The following JAKMIP1 variants were observed in gnomAD, a reference collection of about 807,000 sequenced individuals.
The protein encoded by JAKMIP1 is janus kinase and microtubule-interacting protein 1.
In JAKMIP1, 33 loss-of-function variants were observed where a neutral mutation model predicts 113.0. The observed-to-expected ratio is 0.29, with a 90% CI of 0.22 to 0.39. The LOEUF (loss-of-function observed/expected upper bound fraction) is 0.39, where lower values mean the gene tolerates loss of function less well. Ranked by LOEUF, JAKMIP1 falls within the 10% of genes least tolerant of loss-of-function variation. JAKMIP1 has a pLI of 1.00. For missense variants in JAKMIP1, 813 were observed against 1,080.5 expected, an observed-to-expected ratio of 0.75 and a Z score of 3.47; for synonymous variants, 480 against 459.9, an observed-to-expected ratio of 1.04 and a Z score of -0.56.
At chr4:6,123,240 C>T (rs1053776013) in intron 1 of JAKMIP1, among the ~76,000 whole-genome samples, 2 of 152,224 alleles carry the variant, frequency 1.3e-5, no homozygotes, top group African/African-American at 4.8e-5. Context: ...GCCCAAACCC[C>T]TCACCCAGAG....
rs756000351 is a variant in JAKMIP1 at position 6,040,735 on chromosome 4, C to A, written c.2098-19G>T. Reference sequence around the variant, plus strand: ...ACAGGTCCTGAGAAAGAGGGAGGCGCCATCAGGGACCAGCGTCAGAACAGG... The same window carrying A: ...ACAGGTCCTGAGAAAGAGGGAGGCGACATCAGGGACCAGCGTCAGAACAGG... On this transcript the variant is annotated intron_variant, in intron 17 of 20. Transcript: ENST00000409021. The surrounding 1 kb of genome is among the most constrained non-coding windows in gnomAD (Gnocchi z 5.8). 28 of 1,597,048 alleles carry A rather than the reference C, an allele frequency of 1.8e-5. No homozygotes were observed. Among genetic ancestry groups the A allele is most frequent in the Non-Finnish European group, 2.4e-5 (28 of 1,165,516 alleles).
chr4:6,060,732 A>T (rs967419397), intron 10 of JAKMIP1, among the ~76,000 whole-genome samples: 2 of 152,208 alleles, frequency 1.3e-5, no homozygotes, highest in African/African-American at 4.8e-5. Flanking sequence ...GGTTTTACAA[A>T]CCAAAACTTG....
chr4:6,050,489 C>G lies in JAKMIP1; in HGVS notation c.1908+89G>C. The stretch of plus-strand genomic sequence containing the variant: ...AAGGGGTATCTCATGAAAATCAATT[C>G]TATCCCAGCACTCCCCCTTTGCAGC... On this transcript the variant is annotated intron_variant, in intron 14 of 20. Transcript: ENST00000409021. The surrounding 1 kb of genome is among the most constrained non-coding windows in gnomAD (Gnocchi z 7.4). The G allele has an allele frequency of 2.3e-6, 2 of 875,810 alleles. No homozygotes were observed. The highest frequency in any genetic ancestry group is 3.6e-6 in the Non-Finnish European group (2 of 556,556). 54.3% of individuals were successfully genotyped at this position (875,810 alleles called of 1,614,324 possible).
rs1719229986 is a variant in JAKMIP1, at chr4:6,136,305, G to A, written c.-147-23308C>T. On this transcript the variant is annotated intron_variant, in intron 1 of 20. Transcript: ENST00000409021. The surrounding 1 kb of genome is among the most constrained non-coding windows in gnomAD (Gnocchi z 5.9). ...GCTTGACGTCTAAATGCAGGCATCT[G>A]TGAATCCATATTTCAGTCTGCTTGA... Among the ~76,000 whole-genome samples, 1 of 152,090 alleles carries A rather than the reference G, an allele frequency of 6.6e-6. No homozygotes were observed. The highest frequency in any genetic ancestry group is 1.5e-5 in the Non-Finnish European group (1 of 68,028).
chr4:6,036,906 G>C (rs538907952), intron 18 of JAKMIP1, among the ~76,000 whole-genome samples: 4 of 152,310 alleles, frequency 2.6e-5, no homozygotes, highest in Non-Finnish European at 4.4e-5. Flanking sequence ...CTGAGGCAGA[G>C]GTTAACCATT....
rs1726328809 is a variant in JAKMIP1, at chr4:6,183,757, A to T, written c.-148+16496T>A. Among the ~76,000 whole-genome samples the T allele has an allele frequency of 6.6e-6, 1 of 152,162 alleles. No individual in the cohort carries two copies. The highest frequency in any genetic ancestry group is 1.5e-5 in the Non-Finnish European group (1 of 68,038). ...AACCCTGGTAGACCCCACTGCAGGG[A>T]CCTGGGCTGCCAGGTGAACACTCAG... On this transcript the variant is annotated intron_variant, in intron 1 of 20. Transcript: ENST00000409021. This position sits in a 1 kb window ranked among gnomAD's most constrained non-coding sequence, Gnocchi z 5.3.
intron 1 of JAKMIP1, among the ~76,000 whole-genome samples, chr4:6,133,619 G>A (rs1402741605): frequency 6.6e-6 from 1 of 152,180 alleles, no homozygotes; most frequent in African/African-American, 2.4e-5. Context: ...CATGGAGGGA[G>A]AATCATTGTT....
In JAKMIP1 at chr4:6,192,929, G is replaced by A. The variant is rs1727429256; in HGVS notation, c.-148+7324C>T. 6.6e-6 allele frequency among the ~76,000 whole-genome samples: 1 copy of A among 152,168 alleles called. No homozygotes were observed. Among genetic ancestry groups the A allele is most frequent in the Non-Finnish European group, 1.5e-5 (1 of 68,026 alleles). On this transcript the variant is annotated intron_variant, in intron 1 of 20. Coordinates refer to ENST00000409021, the MANE Select transcript of JAKMIP1 (RefSeq NM_001099433.2). This position sits in a 1 kb window ranked among gnomAD's most constrained non-coding sequence, Gnocchi z 5.0. Reference sequence around the variant, plus strand: ...ATTGAGTGTCAACTTGATTGGTGAAGGATGCAAAGTATTGTTCCTGGGTGT... The same window carrying A: ...ATTGAGTGTCAACTTGATTGGTGAAAGATGCAAAGTATTGTTCCTGGGTGT...
chr4:6,073,024 A>C (rs1719195442), intron 8 of JAKMIP1, among the ~76,000 whole-genome samples: 1 of 149,750 alleles, frequency 6.7e-6, no homozygotes. Flanking sequence ...CCGTGAGCTG[A>C]GCTCCATCAC....
Position 6,084,967 on chromosome 4 carries a change from TAAAAAAAAAAAAAA to T in JAKMIP1, c.835-16_835-3del. Reference sequence around the variant, plus strand: ...ATCTCGCTCGTCCATATGTTGATCCTAAAAAAAAAAAAAAAAAAAAAAAAAAAGTCAAGACGTAA... The same window carrying T: ...ATCTCGCTCGTCCATATGTTGATCCTAAAAAAAAAAAAAGTCAAGACGTAA... On this transcript the variant is annotated splice_region_variant and splice_polypyrimidine_tract_variant and intron_variant, in intron 4 of 20. Transcript: ENST00000409021. 2.6e-6 allele frequency: 1 copy of T among 377,764 alleles called. No individual in the cohort carries two copies. 23.4% of individuals were successfully genotyped at this position (377,764 alleles called of 1,614,324 possible).
At chr4:6,045,901 T>C (rs187957646) in intron 16 of JAKMIP1, among the ~76,000 whole-genome samples, 89 of 152,200 alleles carry the variant, frequency 5.8e-4, no homozygotes, top group African/African-American at 1.3e-3. Flanking sequence ...TAAGGGAACA[T>C]TGACATTGAC....
rs751515267 is a variant in JAKMIP1 at position 6,056,802 on chromosome 4, C to G, written c.1645-43G>C. 3.0e-6 allele frequency: 4 copies of G among 1,355,764 alleles called. No individual in the cohort carries two copies. In the East Asian group the frequency reaches 9.2e-5, roughly 31 times the overall value. 84.0% of individuals were successfully genotyped at this position (1,355,764 alleles called of 1,614,324 possible). On this transcript the variant is annotated intron_variant, in intron 11 of 20. Transcript: ENST00000409021. The stretch of plus-strand genomic sequence containing the variant: ...ATATGGTCACATTCATGGAAGCAAA[C>G]AGATGGTCAAGTAACAAACTTTTAG...
intron 1 of JAKMIP1, among the ~76,000 whole-genome samples, chr4:6,160,710 G>T (rs1455859873): frequency 1.3e-5 from 2 of 152,008 alleles, no homozygotes; most frequent in African/African-American, 4.8e-5. Flanking sequence ...ACGCCTCCCT[G>T]CCCCTCTACA....
intron 3 of JAKMIP1, among the ~76,000 whole-genome samples, chr4:6,095,913 A>G (rs1372941605): frequency 1.3e-5 from 2 of 152,172 alleles, no homozygotes; most frequent in African/African-American, 4.8e-5. Flanking sequence ...AATCAAAGAG[A>G]GAGAGAGAAA....
At chr4:6,105,177 T>C (rs1713693307) in intron 3 of JAKMIP1, among the ~76,000 whole-genome samples, 2 of 152,208 alleles carry the variant, frequency 1.3e-5, no homozygotes, top group South Asian at 2.1e-4. Flanking sequence ...CTCATGGTTG[T>C]TGAAGTAAAT....
intron 20 of JAKMIP1, among the ~76,000 whole-genome samples, chr4:6,027,071 G>A (rs576470989): frequency 0.021 from 3,058 of 148,950 alleles, 41 homozygotes; most frequent in Non-Finnish European, 0.033. Flanking sequence ...TACTTATACA[G>A]AGAAAAAAAA....
At chr4:6,171,240 TACC>T (rs1724658924) in intron 1 of JAKMIP1, among the ~76,000 whole-genome samples, 1 of 144,346 alleles carries the variant, frequency 6.9e-6, no homozygotes, top group African/African-American at 2.6e-5. Context: ...CCCACTGCCA[TACC>T]ACCATCACCA....
At position 6,076,611 on chromosome 4, in the gene JAKMIP1, C is replaced by T. The variant is rs989673377; in HGVS notation, c.1302+2328G>A. On this transcript the variant is annotated intron_variant, in intron 8 of 20. Coordinates refer to ENST00000409021, the MANE Select transcript of JAKMIP1 (RefSeq NM_001099433.2). This position sits in a 1 kb window ranked among gnomAD's most constrained non-coding sequence, Gnocchi z 4.8. The stretch of plus-strand genomic sequence containing the variant: ...AGGAGGCAGCCTGGGAGCCAAATTG[C>T]ACCCATAGATATATTTTATGTGGCC... Among the ~76,000 whole-genome samples the T allele has an allele frequency of 2.0e-5, 3 of 152,170 alleles. No individual in the cohort carries two copies. The highest frequency in any genetic ancestry group is 4.4e-5 in the Non-Finnish European group (3 of 68,018).
In JAKMIP1 at chr4:6,050,573, G is replaced by A. The variant is rs769683279; in HGVS notation, c.1908+5C>T. On this transcript the variant is annotated splice_donor_5th_base_variant and intron_variant, in intron 14 of 20. Transcript: ENST00000409021. The surrounding 1 kb of genome is among the most constrained non-coding windows in gnomAD (Gnocchi z 7.4). ...TTCAGCAGAGGCACCCCCCAGGCAC[G>A]CTACCTTAACTCCTTCCTGGTGACA... 9 of 1,559,882 alleles carry A rather than the reference G, an allele frequency of 5.8e-6. No homozygotes were observed. The highest frequency in any genetic ancestry group is 7.8e-6 in the Non-Finnish European group (9 of 1,151,204).
Sources: gnomAD v4.1 joint callset for allele counts (sites outside exome capture counted in the v4.1 genomes callset) on GRCh38, gnomAD v4.1.1 for gene constraint, Gnocchi (gnomAD v3.1) non-coding constraint, MANE v1.5 for transcripts, NCBI Gene and HGNC (gene_info 2026-07-23, HGNC 2026-07-21) for gene names.